NRXN3: variants seen among roughly 807,000 people sequenced by gnomAD.
The protein encoded by NRXN3 is neurexin 3, also known as neurexin III.
NRXN3 carries 32 observed loss-of-function variants against 137.6 expected under a neutral mutation model. The ratio of observed to expected loss-of-function variants is 0.23; its 90% CI spans 0.18 to 0.31. The LOEUF is 0.31. Among genes scored for constraint, NRXN3 ranks in the 10% least tolerant of loss-of-function variants. The pLI, the probability that NRXN3 is intolerant of heterozygous loss-of-function variation, is 1.00. For missense variants in NRXN3, 1,574 were observed against 2,062.5 expected (o/e 0.76, Z 4.59); for synonymous variants, 798 against 784.5 (o/e 1.02, Z -0.29).
chr14:78,829,496 T>TTCAA (rs1347558594), intron 10 of NRXN3, among the ~76,000 whole-genome samples: 3 of 152,124 alleles, frequency 2.0e-5, no homozygotes, highest in Non-Finnish European at 4.4e-5. Flanking sequence ...GTCAATGGTC[T>TTCAA]TCAATTGCTA....
chr14:79,616,397 C>T (rs975494258), intron 16 of NRXN3, among the ~76,000 whole-genome samples: 1 of 152,042 alleles, frequency 6.6e-6, no homozygotes, highest in South Asian at 2.1e-4. Context: ...CTTCTAACTG[C>T]CTTTCCCTAT....
chr14:79,301,913 T>C (rs980179402), intron 15 of NRXN3, among the ~76,000 whole-genome samples: 2 of 152,002 alleles, frequency 1.3e-5, no homozygotes, highest in Non-Finnish European at 2.9e-5. Context: ...CCAGTCCTGA[T>C]TAGGGGAATA....
intron 20 of NRXN3, among the ~76,000 whole-genome samples, chr14:79,830,161 AAATG>A (rs535715960): frequency 9.8e-4 from 149 of 152,362 alleles, no homozygotes; most frequent in Non-Finnish European, 1.9e-3. Flanking sequence ...CATCATTTTA[AAATG>A]AATGAAGTTC....
Position 79,817,073 on chromosome 14 carries a change from T to A in NRXN3, c.4093+11883T>A, listed in dbSNP as rs182284185. Among the ~76,000 whole-genome samples the A allele has an allele frequency of 2.3e-3, 345 of 152,266 alleles. 3 individuals carry two copies. The highest frequency in any genetic ancestry group is 3.4e-3 in the Middle Eastern group (1 of 294). On this transcript the variant is annotated intron_variant, in intron 20 of 20. Coordinates refer to ENST00000335750, the MANE Select transcript of NRXN3 (RefSeq NM_001330195.2). ...AGTTGCCCCCATAATTATTATTATTTTTTTTTGGTCACTCTGTCACCCATG... is the reference window on the plus strand; with the variant it reads ...AGTTGCCCCCATAATTATTATTATTATTTTTTGGTCACTCTGTCACCCATG...
intron 15 of NRXN3, among the ~76,000 whole-genome samples, chr14:79,413,236 T>A (rs899875481): frequency 6.6e-6 from 1 of 152,204 alleles, no homozygotes; most frequent in African/African-American, 2.4e-5. Context: ...TAGGAAGATC[T>A]GGAAGTCACC....
intron 4 of NRXN3, among the ~76,000 whole-genome samples, chr14:78,526,189 A>T (rs893483289): frequency 4.6e-5 from 7 of 152,200 alleles, no homozygotes; most frequent in Non-Finnish European, 1.0e-4. Flanking sequence ...ATCATATGGG[A>T]TGTCACACTT....
chr14:79,271,358 C>A (rs983237081), intron 15 of NRXN3, among the ~76,000 whole-genome samples: 1 of 151,322 alleles, frequency 6.6e-6, no homozygotes, highest in African/African-American at 2.4e-5. Flanking sequence ...GAGTTTCCCC[C>A]TCCCTCTCCC....
intron 4 of NRXN3, among the ~76,000 whole-genome samples, chr14:78,365,543 A>T (rs1207646057): frequency 1.3e-5 from 2 of 152,242 alleles, no homozygotes; most frequent in East Asian, 3.9e-4. Flanking sequence ...ATTGGCTAGA[A>T]CTCAGTCATG....
intron 15 of NRXN3, among the ~76,000 whole-genome samples, chr14:79,244,321 G>T (rs1423660430): frequency 1.3e-5 from 2 of 152,072 alleles, no homozygotes; most frequent in African/African-American, 4.8e-5. Context: ...AAAACACTTT[G>T]CCTGCCGATT....
intron 15 of NRXN3, among the ~76,000 whole-genome samples, chr14:79,164,688 A>G (rs960544862): frequency 2.0e-5 from 3 of 151,994 alleles, no homozygotes; most frequent in Non-Finnish European, 4.4e-5. Flanking sequence ...TAGATTATTT[A>G]TACTATACAA....
chr14:79,305,737 T>C (rs1047070326), intron 15 of NRXN3, among the ~76,000 whole-genome samples: 8 of 152,180 alleles, frequency 5.3e-5, no homozygotes, highest in African/African-American at 1.9e-4. Flanking sequence ...CTAGCTACCA[T>C]AGAAGAAGTA....
rs2099583211 is a variant in NRXN3, at chr14:79,018,298, AG to A, written c.3262+30158del. ...AAAAAAAAAAAAAAAAAAAAAAAAG[AG>A]AGAGAGCAAGAAGAGTGAAAGTTAT... On this transcript the variant is annotated intron_variant, in intron 15 of 20. Coordinates refer to ENST00000335750, the MANE Select transcript of NRXN3 (RefSeq NM_001330195.2). 2.6e-3 allele frequency among the ~76,000 whole-genome samples: 25 copies of A among 9,788 alleles called. 3 individuals are homozygous for A. Among genetic ancestry groups the A allele is most frequent in the African/African-American group, 3.7e-3 (23 of 6,200 alleles). The allele number at this position is 9,788 out of a possible 152,430, so 6.4% of individuals were successfully genotyped here.
intron 17 of NRXN3, among the ~76,000 whole-genome samples, chr14:79,671,764 A>C (rs2153999995): frequency 6.6e-6 from 1 of 152,182 alleles, no homozygotes; most frequent in East Asian, 1.9e-4. Context: ...TCAAACCTAG[A>C]GCCTTTTTCT....
At chr14:78,230,930 A>G (rs2065309454) in intron 1 of NRXN3, among the ~76,000 whole-genome samples, 1 of 152,206 alleles carries the variant, frequency 6.6e-6, no homozygotes. Flanking sequence ...AAAATATTCC[A>G]TAAGGAGCAA....
chr14:79,215,560 CAA>C (rs2068356979), intron 15 of NRXN3, among the ~76,000 whole-genome samples: 1 of 152,120 alleles, frequency 6.6e-6, no homozygotes, highest in Non-Finnish European at 1.5e-5. Context: ...TGGCAGCAGA[CAA>C]GAGAATGAGA....
At chr14:79,667,798 A>AGG (rs111877759) in intron 17 of NRXN3, among the ~76,000 whole-genome samples, 2 of 151,630 alleles carry the variant, frequency 1.3e-5, no homozygotes, top group African/African-American at 2.4e-5. Context: ...GGAACAAGGG[A>AGG]GGGGGGGTGA....
chr14:78,964,698 T>A (rs935842524), intron 11 of NRXN3, among the ~76,000 whole-genome samples: 2 of 152,200 alleles, frequency 1.3e-5, no homozygotes, highest in Non-Finnish European at 2.9e-5. Context: ...AACATGATTT[T>A]TCTATATAAA....
chr14:78,218,501 G>T (rs1481931369), intron 1 of NRXN3, among the ~76,000 whole-genome samples: 1 of 152,198 alleles, frequency 6.6e-6, no homozygotes, highest in African/African-American at 2.4e-5. Context: ...ATGCCACAGG[G>T]TAGACCCCCA....
intron 15 of NRXN3, among the ~76,000 whole-genome samples, chr14:79,203,004 G>T (rs1009458041): frequency 1.3e-5 from 2 of 151,858 alleles, no homozygotes; most frequent in African/African-American, 4.8e-5. Flanking sequence ...CCTGTTCACC[G>T]CATCCATGCC....
Sources: gnomAD v4.1 joint callset for allele counts (sites outside exome capture counted in the v4.1 genomes callset) on GRCh38, gnomAD v4.1.1 for gene constraint, MANE v1.5 for transcripts, NCBI Gene and HGNC (gene_info 2026-07-23, HGNC 2026-07-21) for gene names.